The following CAST variants were observed in gnomAD, a reference collection of about 807,000 sequenced individuals.
CAST encodes calpastatin.
CAST carries 76 observed loss-of-function variants against 119.6 expected under a neutral mutation model. That is an observed-to-expected ratio of 0.64 (90% CI 0.53 to 0.77). The LOEUF is 0.77. CAST is among the 30% of genes least tolerant of loss of function. The pLI, the probability that CAST is intolerant of heterozygous loss-of-function variation, is 0.00. For synonymous variants in CAST, 319 were observed against 331.6 expected, an observed-to-expected ratio of 0.96 and a Z score of 0.41; for missense variants, 953 against 946.5, an observed-to-expected ratio of 1.01 and a Z score of -0.09.
the CAST span, among the ~76,000 whole-genome samples, chr5:96,356,635 A>G: frequency 6.6e-6 from 1 of 152,110 alleles, no homozygotes; most frequent in East Asian, 1.9e-4. Flanking sequence ...CAAAGATCAG[A>G]TGGTTGTAGA....
chr5:96,530,124 G>T (rs1216720804), intron 1 of CAST, among the ~76,000 whole-genome samples: 5 of 147,038 alleles, frequency 3.4e-5, no homozygotes, highest in African/African-American at 1.2e-4. Context: ...AATTTGTAAA[G>T]TTCTATAAGG....
chr5:95,998,741 A>G, the CAST span, among the ~76,000 whole-genome samples: 1 of 152,190 alleles, frequency 6.6e-6, no homozygotes, highest in Non-Finnish European at 1.5e-5. Context: ...TCCTTGTGAT[A>G]GAATGATTTC....
chr5:96,335,330 A>G, the CAST span, among the ~76,000 whole-genome samples: 1 of 152,190 alleles, frequency 6.6e-6, no homozygotes, highest in African/African-American at 2.4e-5. Context: ...TGTAGCTGGA[A>G]AATTCAGTGG....
intron 1 of CAST, among the ~76,000 whole-genome samples, chr5:96,570,014 T>C (rs928281974): frequency 6.6e-6 from 1 of 152,194 alleles, no homozygotes; most frequent in Non-Finnish European, 1.5e-5. Context: ...ACTGACATCA[T>C]AGTGACAGGC....
chr5:95,998,798 C>A, the CAST span, among the ~76,000 whole-genome samples: 50 of 152,234 alleles, frequency 3.3e-4, no homozygotes, highest in Middle Eastern at 3.4e-3. Context: ...AATGGTAGTT[C>A]TATTTTTAGT....
the CAST span, among the ~76,000 whole-genome samples, chr5:96,251,486 A>G: frequency 6.6e-6 from 1 of 152,140 alleles, no homozygotes; most frequent in Non-Finnish European, 1.5e-5. Context: ...GAAGGATGAG[A>G]TTCCTCCCTC....
At chr5:96,428,402 G>T in the CAST span, among the ~76,000 whole-genome samples, 1 of 152,024 alleles carries the variant, frequency 6.6e-6, no homozygotes. Context: ...TTCCAGTATG[G>T]CATTTCTTTG....
the CAST span, among the ~76,000 whole-genome samples, chr5:96,394,614 T>C: frequency 6.6e-6 from 1 of 152,196 alleles, no homozygotes; most frequent in East Asian, 1.9e-4. Flanking sequence ...CTGTCATAAG[T>C]GGAGAAAATT....
chr5:96,441,776 T>C, the CAST span, among the ~76,000 whole-genome samples: 1 of 152,156 alleles, frequency 6.6e-6, no homozygotes, highest in Non-Finnish European at 1.5e-5. Flanking sequence ...AAGGGGCACT[T>C]TTTTATAATG....
At chr5:96,562,695 C>A (rs1355406045) in intron 1 of CAST, among the ~76,000 whole-genome samples, 1 of 152,132 alleles carries the variant, frequency 6.6e-6, no homozygotes, top group African/African-American at 2.4e-5. Flanking sequence ...ACTCATTGCA[C>A]TATTGTTTGT....
chr5:96,238,366 C>CTTCTTCTTCATCTT, the CAST span, among the ~76,000 whole-genome samples: 112 of 23,216 alleles, frequency 4.8e-3, 1 homozygote, highest in African/African-American at 0.011. Context: ...TTCTTCTTCT[C>CTTCTTCTTCATCTT]CTTCTTCTCC....
intron 9 of CAST, 131 bp downstream of exon 9, chr5:96,730,991 G>A: frequency 1.5e-6 from 1 of 682,688 alleles, no homozygotes; most frequent in Non-Finnish European, 2.6e-6. Flanking sequence ...TTTGTGAAGA[G>A]CATGCATTTA....
chr5:96,112,593 C>G, the CAST span, among the ~76,000 whole-genome samples: 1 of 152,064 alleles, frequency 6.6e-6, no homozygotes, highest in Admixed American at 6.5e-5. Context: ...AAGAGGGAAG[C>G]AGAAACGAGA....
At chr5:95,974,941 G>A in the CAST span, among the ~76,000 whole-genome samples, 1 of 152,138 alleles carries the variant, frequency 6.6e-6, no homozygotes, top group Non-Finnish European at 1.5e-5. Flanking sequence ...TTCAGCAGTT[G>A]CACATGGAAT....
At chr5:96,534,618 G>A (rs1745747640) in intron 1 of CAST, among the ~76,000 whole-genome samples, 1 of 150,148 alleles carries the variant, frequency 6.7e-6, no homozygotes, top group Non-Finnish European at 1.5e-5. Flanking sequence ...GTAGTGAGCT[G>A]AGATCATGCC....
At chr5:96,383,384 A>G in the CAST span, among the ~76,000 whole-genome samples, 3 of 152,152 alleles carry the variant, frequency 2.0e-5, no homozygotes, top group Non-Finnish European at 4.4e-5. Flanking sequence ...GATGACATGG[A>G]GCTATGGAAA....
chr5:96,472,620 A>G, the CAST span, among the ~76,000 whole-genome samples: 1 of 152,226 alleles, frequency 6.6e-6, no homozygotes. Context: ...GAGACAGAGC[A>G]AGAAGGCAGC....
intron 2 of CAST, chr5:96,679,470 A>G (rs1751088398): frequency 6.6e-6 from 1 of 152,208 alleles, no homozygotes; most frequent in African/African-American, 2.4e-5. Context: ...AATCAAATCT[A>G]TTTAAAGGAT....
the CAST span, chr5:96,215,294 T>C: frequency 6.6e-6 from 1 of 152,306 alleles, no homozygotes; most frequent in Admixed American, 6.5e-5. Context: ...CTTACTGTAT[T>C]ATAACTTGAA....
Sources: gnomAD v4.1 joint callset for allele counts (sites outside exome capture counted in the v4.1 genomes callset) on GRCh38, gnomAD v4.1.1 for gene constraint, MANE v1.5 for transcripts, NCBI Gene and HGNC (gene_info 2026-07-23, HGNC 2026-07-21) for gene names.